Variants in EPB41L4B observed in about 807,000 individuals in gnomAD.
The protein encoded by EPB41L4B is band 4.1-like protein 4B.
In EPB41L4B, 30 loss-of-function variants were observed where a neutral mutation model predicts 112.5. The ratio of observed to expected loss-of-function variants is 0.27; its 90% CI spans 0.20 to 0.36. The LOEUF is 0.36. Ranked by LOEUF, EPB41L4B falls within the 10% of genes least tolerant of loss-of-function variation. The probability of loss-of-function intolerance (pLI) is 1.00; values close to 1 mark genes in which losing one functional copy is unlikely to be tolerated. For synonymous variants in EPB41L4B, 408 were observed against 439.7 expected (o/e 0.93, Z 0.90); for missense variants, 1,024 against 1,133.3 (o/e 0.90, Z 1.38).
chr9:109,198,761 T>G (rs543422899), intron 20 of EPB41L4B, among the ~76,000 whole-genome samples: 7 of 151,708 alleles, frequency 4.6e-5, no homozygotes, highest in Non-Finnish European at 8.8e-5. Flanking sequence ...TACAAAAAAA[T>G]TAGCTGGGTG....
At chr9:109,257,091 G>A (rs996729084) in intron 7 of EPB41L4B, among the ~76,000 whole-genome samples, 14 of 152,226 alleles carry the variant, frequency 9.2e-5, no homozygotes, top group Admixed American at 7.9e-4. Flanking sequence ...GAGAGTGGAT[G>A]TGTAAGTGTG....
rs577628477 is a variant in EPB41L4B, at chr9:109,271,425, C to G, written c.412-2992G>C. Among the ~76,000 whole-genome samples the G allele has an allele frequency of 2.6e-4, 39 of 152,318 alleles. No homozygotes were observed. The South Asian group carries it at 7.2e-3, about 28-fold the overall frequency. ...TGCCTGCATCAGAGGCAATAAGAAA[C>G]CCAGTCACAATCCTAAAATGAGAGA... is the stretch of plus-strand genomic sequence containing the variant. On this transcript the variant is annotated intron_variant, in intron 2 of 25. Transcript: ENST00000374566.
rs75389544 is a variant in EPB41L4B at position 109,316,983 on chromosome 9, C to T, written c.306+3158G>A. 4.6e-5 allele frequency among the ~76,000 whole-genome samples: 7 copies of T among 152,170 alleles called. No homozygotes were observed. In the East Asian group the frequency reaches 1.2e-3, roughly 25 times the overall value. On this transcript the variant is annotated intron_variant, in intron 1 of 25. Transcript: ENST00000374566. ...AGCCGGGTGTAGTGGTGCACAACCG[C>T]AGTCCCAGCTACTAGAGAGGCTGAG... is the stretch of plus-strand genomic sequence containing the variant.
chr9:109,179,611 C>T (rs776259947), intron 24 of EPB41L4B, among the ~76,000 whole-genome samples: 1 of 152,138 alleles, frequency 6.6e-6, no homozygotes, highest in Non-Finnish European at 1.5e-5. Flanking sequence ...TCCATCATGG[C>T]CAAAGGCAAA....
chr9:109,297,818 A>G (rs1458708126), intron 1 of EPB41L4B, among the ~76,000 whole-genome samples: 1 of 152,270 alleles, frequency 6.6e-6, no homozygotes, highest in Non-Finnish European at 1.5e-5. Flanking sequence ...TATTCTGTAC[A>G]TAAGAAGCAG....
At position 109,174,221 on chromosome 9, in the gene EPB41L4B, T is replaced by C. The variant is rs980704678; in HGVS notation, c.*333A>G. 3 of 190,880 alleles carry C rather than the reference T, an allele frequency of 1.6e-5. No homozygotes were observed. Among genetic ancestry groups the C allele is most frequent in the Non-Finnish European group, 3.3e-5 (3 of 92,216 alleles). 11.8% of individuals were successfully genotyped at this position (190,880 alleles called of 1,614,324 possible). On this transcript the variant is annotated 3_prime_UTR_variant, in exon 26 of 26. Transcript: ENST00000374566. Reference sequence around the variant, plus strand: ...TACAAAATCAAATGGTTGAAATTGATAGTAAAAGATCCTACATCATATTAA... The same window carrying C: ...TACAAAATCAAATGGTTGAAATTGACAGTAAAAGATCCTACATCATATTAA...
chr9:109,235,691 C>T (rs1188043880), intron 15 of EPB41L4B, among the ~76,000 whole-genome samples: 1 of 152,194 alleles, frequency 6.6e-6, no homozygotes, highest in Non-Finnish European at 1.5e-5. Context: ...ATTCACCACG[C>T]CCGGCCTTGA....
chr9:109,303,281 T>C (rs1837048310), intron 1 of EPB41L4B, among the ~76,000 whole-genome samples: 1 of 152,174 alleles, frequency 6.6e-6, no homozygotes, highest in Non-Finnish European at 1.5e-5. Flanking sequence ...AATTCTTTAA[T>C]CAATAATTCC....
intron 2 of EPB41L4B, among the ~76,000 whole-genome samples, chr9:109,268,896 C>CAA (rs55646924): frequency 0.018 from 1,903 of 106,626 alleles, 85 homozygotes; most frequent in African/African-American, 0.059. Flanking sequence ...AACTCCGTCT[C>CAA]AAAAAAAAAA....
chr9:109,270,824 T>G (rs1410016473), intron 2 of EPB41L4B, among the ~76,000 whole-genome samples: 2 of 152,232 alleles, frequency 1.3e-5, no homozygotes, highest in African/African-American at 4.8e-5. Context: ...GCTGTGCTTT[T>G]TGATCCTGGC....
intron 1 of EPB41L4B, among the ~76,000 whole-genome samples, chr9:109,296,791 G>A (rs1836746241): frequency 6.6e-6 from 1 of 151,526 alleles, no homozygotes; most frequent in Non-Finnish European, 1.5e-5. Context: ...GGAGTATGAA[G>A]TGGGAAGACT....
At chr9:109,293,070 G>A (rs1366132968) in intron 1 of EPB41L4B, among the ~76,000 whole-genome samples, 1 of 152,218 alleles carries the variant, frequency 6.6e-6, no homozygotes, top group Non-Finnish European at 1.5e-5. Flanking sequence ...ATGAGGAGCA[G>A]AAGCATCTCC....
chr9:109,286,726 GA>G (rs1388051075), intron 1 of EPB41L4B, among the ~76,000 whole-genome samples: 1 of 152,182 alleles, frequency 6.6e-6, no homozygotes, highest in Admixed American at 6.5e-5. Context: ...AGTTCTCACT[GA>G]ACAAGTACTT....
chr9:109,268,765 C>T (rs1042621813), intron 2 of EPB41L4B, among the ~76,000 whole-genome samples: 21 of 151,782 alleles, frequency 1.4e-4, no homozygotes, highest in African/African-American at 5.1e-4. Flanking sequence ...GGCATGGTGG[C>T]GCGCGCCTGT....
chr9:109,268,382 C>G lies in EPB41L4B; in HGVS notation c.454+9G>C. On this transcript the variant is annotated intron_variant, in intron 3 of 25. Coordinates refer to ENST00000374566, the MANE Select transcript of EPB41L4B (RefSeq NM_019114.5). ...AAATAAATGAGTGAGCTAAATTCTG[C>G]TTACTTACTTTTCATCTGCTTTTTT... 1.3e-5 allele frequency: 21 copies of G among 1,610,768 alleles called. No individual in the cohort carries two copies. The highest frequency in any genetic ancestry group is 1.8e-5 in the Non-Finnish European group (21 of 1,179,016).
At chr9:109,306,295 C>T (rs1344299974) in intron 1 of EPB41L4B, among the ~76,000 whole-genome samples, 1 of 152,182 alleles carries the variant, frequency 6.6e-6, no homozygotes, top group African/African-American at 2.4e-5. Flanking sequence ...CCTGACTGCA[C>T]CTCAGAATCA....
At chr9:109,270,550 A>T (rs1343889497) in intron 2 of EPB41L4B, among the ~76,000 whole-genome samples, 2 of 152,250 alleles carry the variant, frequency 1.3e-5, no homozygotes, top group Non-Finnish European at 2.9e-5. Context: ...ACTTGATTTA[A>T]GCCCAATATT....
chr9:109,298,462 TG>T (rs1373600977), intron 1 of EPB41L4B, among the ~76,000 whole-genome samples: 1 of 151,840 alleles, frequency 6.6e-6, no homozygotes. Flanking sequence ...TACAGGCGCC[TG>T]CCACCACACC....
chr9:109,189,307 GA>G (rs1341730417), intron 22 of EPB41L4B, among the ~76,000 whole-genome samples: 1 of 152,218 alleles, frequency 6.6e-6, no homozygotes, highest in Non-Finnish European at 1.5e-5. Context: ...AAAGGTTTGG[GA>G]AAAGGAGGGG....
Sources: allele counts gnomAD v4.1 joint callset (sites outside exome capture counted in the v4.1 genomes callset), GRCh38; gene constraint gnomAD v4.1.1; transcripts MANE v1.5; gene names NCBI Gene and HGNC (gene_info 2026-07-23, HGNC 2026-07-21).